Variants in ZSWIM6 observed in about 807,000 individuals in gnomAD.
The protein encoded by ZSWIM6 is zinc finger SWIM-type containing 6, also known as zinc finger SWIM domain-containing protein 6.
In ZSWIM6, 9 loss-of-function variants were observed where a neutral mutation model predicts 113.2. The observed-to-expected ratio is 0.08, with a 90% confidence interval of 0.05 to 0.14. The LOEUF (loss-of-function observed/expected upper bound fraction) is 0.14. Ranked by LOEUF, ZSWIM6 falls within the 10% of genes least tolerant of loss-of-function variation. The pLI is 1.00. For missense variants in ZSWIM6, 1,162 were observed against 1,552.2 expected, an observed-to-expected ratio of 0.75 and a Z score of 4.22; for synonymous variants, 611 against 606.5, an observed-to-expected ratio of 1.01 and a Z score of -0.11.
intron 1 of ZSWIM6, among the ~76,000 whole-genome samples, chr5:61,355,703 TGTG>T (rs1316910702): frequency 6.6e-6 from 1 of 152,198 alleles, no homozygotes. Flanking sequence ...TGCTGTCTGA[TGTG>T]GTAGCCATGT....
chr5:61,470,648 A>G (rs1036234045), intron 1 of ZSWIM6, among the ~76,000 whole-genome samples: 3 of 152,178 alleles, frequency 2.0e-5, no homozygotes, highest in Non-Finnish European at 4.4e-5. Flanking sequence ...ATTAAAAGAG[A>G]TAAAGGAGAC....
intron 1 of ZSWIM6, among the ~76,000 whole-genome samples, chr5:61,422,373 C>T (rs1022534176): frequency 2.0e-5 from 3 of 152,168 alleles, no homozygotes; most frequent in Non-Finnish European, 4.4e-5. Context: ...AATGAATTCA[C>T]TGTAGATATA....
chr5:61,336,212 T>C (rs1387410993), intron 1 of ZSWIM6, among the ~76,000 whole-genome samples: 4 of 151,792 alleles, frequency 2.6e-5, no homozygotes, highest in African/African-American at 9.7e-5. Flanking sequence ...TGCGGTGAGC[T>C]AAGATCGTAC....
At chr5:61,392,259 G>A (rs1364117907) in intron 1 of ZSWIM6, among the ~76,000 whole-genome samples, 3 of 152,216 alleles carry the variant, frequency 2.0e-5, no homozygotes, top group African/African-American at 7.2e-5. Context: ...ACACATGGTA[G>A]TTGCATCCAA....
chr5:61,507,329 G>T (rs980189457), intron 4 of ZSWIM6, among the ~76,000 whole-genome samples: 4 of 152,136 alleles, frequency 2.6e-5, no homozygotes, highest in African/African-American at 9.7e-5. Flanking sequence ...AACCATGAAG[G>T]AGAAGGAACT....
chr5:61,469,009 C>T (rs574538462), intron 1 of ZSWIM6, among the ~76,000 whole-genome samples: 69 of 152,240 alleles, frequency 4.5e-4, no homozygotes, highest in South Asian at 2.3e-3. Context: ...CCCCAGCCCC[C>T]GCCCGCCAAA....
chr5:61,356,172 C>T (rs1744903378), intron 1 of ZSWIM6, among the ~76,000 whole-genome samples: 2 of 152,178 alleles, frequency 1.3e-5, no homozygotes, highest in African/African-American at 4.8e-5. Flanking sequence ...AGAATCATAG[C>T]TCACTGCAGC....
At chr5:61,466,449 G>C (rs1423030599) in intron 1 of ZSWIM6, among the ~76,000 whole-genome samples, 1 of 152,076 alleles carries the variant, frequency 6.6e-6, no homozygotes, top group Non-Finnish European at 1.5e-5. Flanking sequence ...TAATTTCCCT[G>C]GGGGTTCTTT....
chr5:61,355,071 A>C (rs1195482240), intron 1 of ZSWIM6, among the ~76,000 whole-genome samples: 1 of 152,184 alleles, frequency 6.6e-6, no homozygotes, highest in Non-Finnish European at 1.5e-5. Flanking sequence ...CACATTAAAA[A>C]TGTGACTGAT....
chr5:61,454,567 GT>G (rs35249460), intron 1 of ZSWIM6, among the ~76,000 whole-genome samples: 42,351 of 128,082 alleles, frequency 0.33, 4,749 homozygotes, highest in South Asian at 0.43. Context: ...CTATCCCTAA[GT>G]TTTTTTTTTT....
At chr5:61,384,579 G>A (rs1389299238) in intron 1 of ZSWIM6, among the ~76,000 whole-genome samples, 2 of 152,172 alleles carry the variant, frequency 1.3e-5, no homozygotes, top group African/African-American at 4.8e-5. Context: ...CGACCAGTTT[G>A]GCTTTAGTGA....
At chr5:61,510,338 T>G (rs995518397) in intron 4 of ZSWIM6, among the ~76,000 whole-genome samples, 2 of 151,976 alleles carry the variant, frequency 1.3e-5, no homozygotes, top group African/African-American at 4.8e-5. Context: ...CCACTGGCAC[T>G]CTGCTTTTGG....
At chr5:61,351,658 A>G (rs1453560498) in intron 1 of ZSWIM6, among the ~76,000 whole-genome samples, 1 of 152,138 alleles carries the variant, frequency 6.6e-6, no homozygotes, top group Non-Finnish European at 1.5e-5. Flanking sequence ...TGCCTTGGAA[A>G]GTTGTGGTGA....
Position 61,531,623 on chromosome 5 carries a change from G to A in ZSWIM6, c.2143G>A (p.Val715Ile). The A allele has an allele frequency of 6.4e-7, 1 of 1,551,694 alleles. No individual in the cohort carries two copies. The highest frequency in any genetic ancestry group is 8.7e-7 in the Non-Finnish European group (1 of 1,146,972). The change falls in exon 9 of 14, where the codon GTT becomes ATT. Residue 715 changes from valine to isoleucine, a missense_variant. Physicochemically the swap from Val to Ile is conservative, Grantham distance 29. Around this residue, in one of 4 missense-constraint regions of ZSWIM6, gnomAD observed 620 missense variants for 804.6 expected, o/e 0.77. Coordinates refer to ENST00000252744, the MANE Select transcript of ZSWIM6 (RefSeq NM_020928.2). ...MPDGLYTQEK[V>I]CRNEEQLISK... Reference sequence around the variant, plus strand: ...TGATGGGCTGTACACACAAGAGAAAGTTTGCCGGAATGAGGAGCAGCTCAT... The same window carrying A: ...TGATGGGCTGTACACACAAGAGAAAATTTGCCGGAATGAGGAGCAGCTCAT...
intron 1 of ZSWIM6, among the ~76,000 whole-genome samples, chr5:61,339,051 T>C (rs1744469753): frequency 6.6e-6 from 1 of 152,244 alleles, no homozygotes; most frequent in Admixed American, 6.5e-5. Flanking sequence ...CTATGAATGT[T>C]TCATATGGAA....
At chr5:61,335,276 G>C (rs1744368864) in intron 1 of ZSWIM6, among the ~76,000 whole-genome samples, 1 of 152,264 alleles carries the variant, frequency 6.6e-6, no homozygotes. Flanking sequence ...TGCTAAACAA[G>C]TGCTATACAA....
chr5:61,345,556 C>T (rs180698672), intron 1 of ZSWIM6, among the ~76,000 whole-genome samples: 59 of 152,224 alleles, frequency 3.9e-4, no homozygotes, highest in Non-Finnish European at 6.2e-4. Flanking sequence ...TGTATTCTTT[C>T]TATAAAGGTA....
Position 61,472,748 on chromosome 5 carries a change from G to C in ZSWIM6, c.744G>C (p.Val248=). 1 of 1,551,254 alleles carries C rather than the reference G, an allele frequency of 6.4e-7. No homozygotes were observed. The highest frequency in any genetic ancestry group is 8.7e-7 in the Non-Finnish European group (1 of 1,146,712). Residue 248 remains valine, a synonymous_variant, in exon 2 of 14, where the codon GTG becomes GTC. Coordinates refer to ENST00000252744, the MANE Select transcript of ZSWIM6 (RefSeq NM_020928.2). This position sits in a 1 kb window ranked among gnomAD's most constrained non-coding sequence, Gnocchi z 4.1. ...CGGAGCCAGAAACTGTTTGCAACGTGGCCATCAGCTTTGATCGTTGCAAGA... is the reference window on the plus strand; with the variant it reads ...CGGAGCCAGAAACTGTTTGCAACGTCGCCATCAGCTTTGATCGTTGCAAGA... ...IQSEPETVCN[V]AISFDRCKIT... is the part of the protein sequence containing the mutation.
intron 1 of ZSWIM6, chr5:61,375,036 G>A (rs1745342013): frequency 7.5e-7 from 1 of 1,332,556 alleles, no homozygotes. Context: ...GTGGGACCAA[G>A]TCTATAAGAT....
Sources: allele counts gnomAD v4.1 joint callset (sites outside exome capture counted in the v4.1 genomes callset), GRCh38; gene constraint gnomAD v4.1.1; regional missense constraint gnomAD v4.1.1; non-coding constraint Gnocchi (gnomAD v3.1); transcripts MANE v1.5; gene names NCBI Gene and HGNC (gene_info 2026-07-23, HGNC 2026-07-21).